PRKCE: variants seen among roughly 807,000 people sequenced by gnomAD.
PRKCE encodes protein kinase C epsilon.
In PRKCE, 16 loss-of-function variants were observed where a neutral mutation model predicts 85.4. The observed-to-expected ratio is 0.19, with a 90% confidence interval of 0.13 to 0.28. The LOEUF (loss-of-function observed/expected upper bound fraction) is 0.28, where lower values mean the gene tolerates loss of function less well. PRKCE is among the 10% of genes least tolerant of loss of function. PRKCE has a pLI of 1.00. For synonymous variants in PRKCE, 388 were observed against 371.5 expected (o/e 1.04, Z -0.51); for missense variants, 573 against 975.2 (o/e 0.59, Z 5.49).
At chr2:46,024,778 AT>A (rs990395361) in intron 10 of PRKCE, among the ~76,000 whole-genome samples, 1 of 151,254 alleles carries the variant, frequency 6.6e-6, no homozygotes, top group African/African-American at 2.4e-5. Context: ...TGTTTTTGGT[AT>A]TTTTTTTTCT....
chr2:45,762,236 AC>A (rs1307811438), intron 1 of PRKCE, among the ~76,000 whole-genome samples: 1 of 152,246 alleles, frequency 6.6e-6, no homozygotes, highest in Non-Finnish European at 1.5e-5. Context: ...GCCTTTGGCC[AC>A]CAGGATCAGT....
chr2:46,054,347 C>T (rs769382148), intron 10 of PRKCE, among the ~76,000 whole-genome samples: 5 of 152,198 alleles, frequency 3.3e-5, no homozygotes, highest in Non-Finnish European at 4.4e-5. Flanking sequence ...GAAACTAACA[C>T]GCAGGACATT....
intron 10 of PRKCE, among the ~76,000 whole-genome samples, chr2:46,011,758 C>A (rs1369774774): frequency 6.6e-6 from 1 of 152,030 alleles, no homozygotes; most frequent in Non-Finnish European, 1.5e-5. Flanking sequence ...CAGGGTCCCC[C>A]ATCTCTCTCT....
chr2:46,137,305 C>T (rs1675097281), intron 11 of PRKCE, among the ~76,000 whole-genome samples: 1 of 152,230 alleles, frequency 6.6e-6, no homozygotes, highest in African/African-American at 2.4e-5. Context: ...ACCCACCCAA[C>T]ATCTCAGATC....
chr2:46,080,809 A>T (rs1668997604), intron 10 of PRKCE, among the ~76,000 whole-genome samples: 1 of 152,168 alleles, frequency 6.6e-6, no homozygotes, highest in Non-Finnish European at 1.5e-5. Flanking sequence ...AGAACAAAAG[A>T]ACCACTCAAG....
chr2:45,862,040 G>C (rs765869047), intron 2 of PRKCE, among the ~76,000 whole-genome samples: 1 of 152,040 alleles, frequency 6.6e-6, no homozygotes, highest in Non-Finnish European at 1.5e-5. Flanking sequence ...TGGAGATGGG[G>C]ACCAAGGGAC....
chr2:46,056,968 G>T (rs564611076), intron 10 of PRKCE, among the ~76,000 whole-genome samples: 1 of 152,182 alleles, frequency 6.6e-6, no homozygotes, highest in Non-Finnish European at 1.5e-5. Flanking sequence ...CTGGCTCAGG[G>T]CCTCTTGTGT....
chr2:45,827,680 A>G (rs945060790), intron 1 of PRKCE, among the ~76,000 whole-genome samples: 1 of 152,248 alleles, frequency 6.6e-6, no homozygotes, highest in African/African-American at 2.4e-5. Context: ...ATTAGATTAC[A>G]TGTTAAGGCA....
chr2:46,004,772 C>A lies in PRKCE; in HGVS notation c.1063+134C>A. The stretch of plus-strand genomic sequence containing the variant: ...CAGCCCTGGTGGGTTTTCACACACC[C>A]GTTGCCTGTTGATTTAACAGTTCTT... On this transcript the variant is annotated intron_variant, in intron 8 of 14. Transcript: ENST00000306156. The surrounding 1 kb of genome is among the most constrained non-coding windows in gnomAD (Gnocchi z 4.1). The A allele has an allele frequency of 4.2e-6, 3 of 710,076 alleles. No individual in the cohort carries two copies. Among genetic ancestry groups the A allele is most frequent in the Non-Finnish European group, 7.1e-6 (3 of 423,652 alleles). 44.0% of individuals were successfully genotyped at this position (710,076 alleles called of 1,614,324 possible). A position where few individuals can be genotyped will look rare whatever the true frequency, so the allele number is the denominator to read the frequency against.
rs188157602 is a variant in PRKCE at position 46,000,531 on chromosome 2, G to A, written c.824-873G>A. ...AGAAGCCCTCGTTAAGAAGAGCAGAGTGCTCTGGGCTATTTTAAAAAATGG... is the reference window on the plus strand; with the variant it reads ...AGAAGCCCTCGTTAAGAAGAGCAGAATGCTCTGGGCTATTTTAAAAAATGG... On this transcript the variant is annotated intron_variant, in intron 6 of 14. Coordinates refer to ENST00000306156, the MANE Select transcript of PRKCE (RefSeq NM_005400.3). 5.2e-4 allele frequency among the ~76,000 whole-genome samples: 79 copies of A among 151,856 alleles called. 1 individual carries two copies. The highest frequency in any genetic ancestry group is 1.7e-3 in the African/African-American group (70 of 41,434).
At chr2:45,958,719 G>C (rs1364118266) in intron 2 of PRKCE, among the ~76,000 whole-genome samples, 1 of 136,830 alleles carries the variant, frequency 7.3e-6, no homozygotes, top group Non-Finnish European at 1.5e-5. Flanking sequence ...TGTTAATTCA[G>C]GTTTGTCAAG....
At position 45,824,586 on chromosome 2, in the gene PRKCE, G is replaced by A. The variant is rs991309995; in HGVS notation, c.349-18414G>A. ...GACCATTTCCTCCCTCCCTCCCTCC[G>A]TCCCTCCCTCCCTCATTTCCTCCCT... On this transcript the variant is annotated intron_variant, in intron 1 of 14. Transcript: ENST00000306156. Among the ~76,000 whole-genome samples the A allele has an allele frequency of 5.4e-5, 8 of 147,890 alleles. No individual in the cohort carries two copies. In the East Asian group the frequency reaches 8.5e-4, roughly 16 times the overall value.
intron 11 of PRKCE, among the ~76,000 whole-genome samples, chr2:46,118,341 C>T (rs982411084): frequency 6.6e-6 from 1 of 152,114 alleles, no homozygotes; most frequent in African/African-American, 2.4e-5. Flanking sequence ...CCAAAGTTGG[C>T]CAAAGAGCTT....
intron 1 of PRKCE, among the ~76,000 whole-genome samples, chr2:45,668,977 C>T (rs1172201747): frequency 6.6e-6 from 1 of 152,148 alleles, no homozygotes; most frequent in Admixed American, 6.5e-5. Context: ...CCTGATCACA[C>T]TAAGCAACAT....
intron 6 of PRKCE, among the ~76,000 whole-genome samples, chr2:45,989,648 T>TTA (rs71394865): frequency 1.9e-4 from 28 of 147,326 alleles, no homozygotes; most frequent in African/African-American, 5.8e-4. Context: ...TTTCCTTGTT[T>TTA]AAAAAAAAAA....
intron 10 of PRKCE, among the ~76,000 whole-genome samples, chr2:46,019,668 A>G (rs1284404462): frequency 6.6e-6 from 1 of 152,104 alleles, no homozygotes; most frequent in Non-Finnish European, 1.5e-5. Context: ...CTATGGTAAA[A>G]CTGGTTTCCT....
chr2:45,661,976 T>C (rs1572879022), intron 1 of PRKCE, among the ~76,000 whole-genome samples: 1 of 152,348 alleles, frequency 6.6e-6, no homozygotes, highest in Non-Finnish European at 1.5e-5. Context: ...CCAGTCTTCT[T>C]TCCCCAGGCA....
At chr2:45,686,054 C>A (rs1036095644) in intron 1 of PRKCE, among the ~76,000 whole-genome samples, 2 of 152,034 alleles carry the variant, frequency 1.3e-5, no homozygotes, top group South Asian at 4.2e-4. Context: ...GATCTTAGTG[C>A]CTTATCTTGT....
At chr2:45,708,315 C>T (rs1679297106) in intron 1 of PRKCE, among the ~76,000 whole-genome samples, 1 of 152,232 alleles carries the variant, frequency 6.6e-6, no homozygotes, top group Admixed American at 6.5e-5. Context: ...GACTACACCT[C>T]TCATTCCCTT....
Sources: gnomAD v4.1 joint callset for allele counts (sites outside exome capture counted in the v4.1 genomes callset) on GRCh38, gnomAD v4.1.1 for gene constraint, Gnocchi (gnomAD v3.1) non-coding constraint, MANE v1.5 for transcripts, NCBI Gene and HGNC (gene_info 2026-07-23, HGNC 2026-07-21) for gene names.